The following RASIP1 variants were observed in gnomAD, a reference collection of about 807,000 sequenced individuals.
RASIP1 encodes the protein ras-interacting protein 1.
RASIP1 carries 20 observed loss-of-function variants against 85.3 expected under a neutral mutation model. The ratio of observed to expected loss-of-function variants is 0.23; its 90% CI spans 0.17 to 0.34. RASIP1 has a LOEUF of 0.34. Among genes scored for constraint, RASIP1 ranks in the 10% least tolerant of loss-of-function variants. RASIP1 has a pLI of 1.00. For synonymous variants in RASIP1, 617 were observed against 647.1 expected, an observed-to-expected ratio of 0.95 and a Z score of 0.71; for missense variants, 1,170 against 1,390.9, an observed-to-expected ratio of 0.84 and a Z score of 2.53.
rs1242714771 is a variant in RASIP1 at position 48,729,124 on chromosome 19, G to A, written c.1646C>T (p.Pro549Leu). The change falls in exon 5 of 12, where the codon CCG becomes CTG. Residue 549 changes from proline to leucine, a missense_variant. By Grantham distance (98) the Pro-to-Leu change is moderately conservative (BLOSUM62 -3). Coordinates refer to ENST00000222145, the MANE Select transcript of RASIP1 (RefSeq NM_017805.3). Reference protein sequence around the residue: ...DGREPVLRFRPREEEALLGEI... With the variant: ...DGREPVLRFRLREEEALLGEI... The stretch of plus-strand genomic sequence containing the variant: ...GCCCAGCAGCGCCTCCTCCTCGCGC[G>A]GCCGGAAGCGCAGGACTGGCTCACG... The A allele has an allele frequency of 2.2e-6, 3 of 1,362,566 alleles. No individual in the cohort carries two copies. Among genetic ancestry groups the A allele is most frequent in the Admixed American group, 3.7e-5 (1 of 26,964 alleles). 84.4% of individuals were successfully genotyped at this position (1,362,566 alleles called of 1,614,324 possible). A position where few individuals can be genotyped will look rare whatever the true frequency, so the allele number is the denominator to read the frequency against.
In RASIP1 at chr19:48,735,605, C is replaced by G; in HGVS notation, c.824-54G>C. 3.5e-6 allele frequency: 5 copies of G among 1,429,092 alleles called. No homozygotes were observed. The South Asian group carries it at 7.1e-5, about 20-fold the overall frequency. 88.5% of individuals were successfully genotyped at this position (1,429,092 alleles called of 1,614,324 possible). On this transcript the variant is annotated intron_variant, in intron 3 of 11. Coordinates refer to ENST00000222145, the MANE Select transcript of RASIP1 (RefSeq NM_017805.3). ...GAGCCTGGAAAGACAGGGATAGACA[C>G]AGAGCTGCAGATTATGAGACAAAGA...
At chr19:48,737,297 A>G (rs908072199) in intron 3 of RASIP1, among the ~76,000 whole-genome samples, 2 of 152,214 alleles carry the variant, frequency 1.3e-5, no homozygotes, top group South Asian at 2.1e-4. Context: ...TTCAAAGCCC[A>G]TCAGTTGAAT....
chr19:48,724,285 G>A lies in RASIP1; in HGVS notation c.2544+52C>T. 3 of 1,565,472 alleles carry A rather than the reference G, an allele frequency of 1.9e-6. No homozygotes were observed. The highest frequency in any genetic ancestry group is 2.6e-6 in the Non-Finnish European group (3 of 1,146,846). The stretch of plus-strand genomic sequence containing the variant: ...GAGCTGAATATAGAAGGTGGCTGAG[G>A]GGGGTTGAGGAGTCAGAGGTCAGGG... On this transcript the variant is annotated intron_variant, in intron 10 of 11. Coordinates refer to ENST00000222145, the MANE Select transcript of RASIP1 (RefSeq NM_017805.3). This position sits in a 1 kb window ranked among gnomAD's most constrained non-coding sequence, Gnocchi z 4.6.
At chr19:48,721,116 C>G (rs1274234679) in intron 11 of RASIP1, 119 bp from the exon 12 acceptor site, 2 of 877,560 alleles carry the variant, frequency 2.3e-6, no homozygotes, top group Non-Finnish European at 3.4e-6. Flanking sequence ...CCCAGCAACT[C>G]CTGGGGCGGG....
rs73942313 is a variant in RASIP1, at chr19:48,730,568, T to C, written c.1180-978A>G. Among the ~76,000 whole-genome samples the C allele has an allele frequency of 9.6e-3, 1,468 of 152,176 alleles. 26 individuals are homozygous for C. Among genetic ancestry groups the C allele is most frequent in the African/African-American group, 0.033 (1,363 of 41,502 alleles). On this transcript the variant is annotated intron_variant, in intron 4 of 11. Transcript: ENST00000222145. ...ATGAACTGTGCAACTACCCTCACCC[T>C]CAAAGAATGGACCTTTCCAAGGAAA...
chr19:48,726,549 A>T (rs551218102), intron 8 of RASIP1, among the ~76,000 whole-genome samples: 1 of 152,340 alleles, frequency 6.6e-6, no homozygotes, highest in African/African-American at 2.4e-5. Flanking sequence ...AAAGGAAAAG[A>T]AGCCAGAAAG....
intron 10 of RASIP1, among the ~76,000 whole-genome samples, chr19:48,722,887 T>C (rs932489769): frequency 3.3e-5 from 5 of 152,056 alleles, no homozygotes; most frequent in Non-Finnish European, 7.4e-5. Context: ...ATGGTAAACT[T>C]TCTTTCTTAT....
At chr19:48,734,919 C>T (rs556754389) in intron 4 of RASIP1, among the ~76,000 whole-genome samples, 8 of 152,264 alleles carry the variant, frequency 5.3e-5, no homozygotes. Context: ...TGGCGGGGAT[C>T]TTCTTTCTAC....
At chr19:48,727,338 C>G (rs371067218) in intron 6 of RASIP1, 55 bp downstream of exon 6, 1 of 1,593,488 alleles carries the variant, frequency 6.3e-7, no homozygotes, top group Non-Finnish European at 8.6e-7. Flanking sequence ...CAGAACTAGA[C>G]GCAAAACCCA....
chr19:48,738,677 A>G lies in RASIP1; in HGVS notation c.823+283T>C. The G allele has an allele frequency of 3.6e-6, 1 of 281,356 alleles. No individual in the cohort carries two copies. Among genetic ancestry groups the G allele is most frequent in the Non-Finnish European group, 6.4e-6 (1 of 155,774 alleles). 17.4% of individuals were successfully genotyped at this position (281,356 alleles called of 1,614,324 possible). On this transcript the variant is annotated intron_variant, in intron 3 of 11. Coordinates refer to ENST00000222145, the MANE Select transcript of RASIP1 (RefSeq NM_017805.3). This position sits in a 1 kb window ranked among gnomAD's most constrained non-coding sequence, Gnocchi z 4.0. ...CAGGCCACTCCAAGCCACCACCAGCAACCAGCCCCCGTCCCGCCTAAGCCC... is the reference window on the plus strand; with the variant it reads ...CAGGCCACTCCAAGCCACCACCAGCGACCAGCCCCCGTCCCGCCTAAGCCC...
In RASIP1 at chr19:48,724,750, T is replaced by C; in HGVS notation, c.2338A>G (p.Asn780Asp). The C allele has an allele frequency of 6.2e-7, 1 of 1,614,190 alleles. No individual in the cohort carries two copies. Among genetic ancestry groups the C allele is most frequent in the Non-Finnish European group, 8.5e-7 (1 of 1,180,038 alleles). ...ATCAGCGAGTTGAGAAGGGATGCGT[T>C]GGAGAAGAAGAACAAGTAGCCAAAA... Reference protein sequence around the residue: ...QTFGYLFFFSNASLLNSLMER... With the variant: ...QTFGYLFFFSDASLLNSLMER... Residue 780 changes from asparagine to aspartate, a missense_variant, in exon 9 of 12, where the codon AAC becomes GAC. Asn to Asp is a conservative substitution (Grantham distance 23). This residue lies in a region of RASIP1 where 426 missense variants were observed against 576.2 expected (regional missense o/e 0.74). Coordinates refer to ENST00000222145, the MANE Select transcript of RASIP1 (RefSeq NM_017805.3). This position sits in a 1 kb window ranked among gnomAD's most constrained non-coding sequence, Gnocchi z 4.6.
Position 48,729,270 on chromosome 19 carries a change from C to G in RASIP1, c.1500G>C (p.Pro500=). The G allele has an allele frequency of 2.0e-6, 3 of 1,510,248 alleles. No individual in the cohort carries two copies. Among genetic ancestry groups the G allele is most frequent in the South Asian group, 1.3e-5 (1 of 79,298 alleles). The allele number at this position is 1,510,248 out of a possible 1,614,324, so 93.6% of individuals were successfully genotyped here. The stretch of plus-strand genomic sequence containing the variant: ...CCCCGGGGCGCGCGGGCAGCCACGG[C>G]GGCCTCGCAGGCCCCGAGCCCCCAG... ...PRTGGSGPAR[P]PWLPARPGAT... Residue 500 remains proline (P), a synonymous_variant, in exon 5 of 12, where the codon CCG becomes CCC. Transcript: ENST00000222145.
chr19:48,726,166 C>CGGGGGG (rs2033339392), intron 8 of RASIP1, among the ~76,000 whole-genome samples: 1 of 152,086 alleles, frequency 6.6e-6, no homozygotes, highest in Non-Finnish European at 1.5e-5. Context: ...ACCTCGCGGT[C>CGGGGGG]TGCCCACCTT....
chr19:48,735,402 G>C lies in RASIP1; in HGVS notation c.973C>G (p.Arg325Gly). 6.2e-7 allele frequency: 1 copy of C among 1,612,694 alleles called. No individual in the cohort carries two copies. Among genetic ancestry groups the C allele is most frequent in the Non-Finnish European group, 8.5e-7 (1 of 1,179,704 alleles). Residue 325 changes from arginine (R) to glycine (G), a missense_variant, in exon 4 of 12, where the codon CGC (arginine) becomes GGC (glycine). Physicochemically the swap from Arg to Gly is moderately radical, Grantham distance 125. Coordinates refer to ENST00000222145, the MANE Select transcript of RASIP1 (RefSeq NM_017805.3). ...KERSENLSLR[R>G]SVSELSLQGR... ...TGAAGGCTAAGCTCCGACACGCTGCGCCGCAAAGACAAGTTTTCTGAGCGC... is the reference window on the plus strand; with the variant it reads ...TGAAGGCTAAGCTCCGACACGCTGCCCCGCAAAGACAAGTTTTCTGAGCGC...
chr19:48,736,576 C>T (rs1435546098), intron 3 of RASIP1, among the ~76,000 whole-genome samples: 5 of 152,200 alleles, frequency 3.3e-5, no homozygotes, highest in Admixed American at 3.3e-4. Context: ...CCACTGGGTA[C>T]TCTGAGCTTT....
intron 10 of RASIP1, 85 bp from the exon 11 acceptor site, chr19:48,722,086 G>A (rs1361325359): frequency 9.4e-6 from 12 of 1,281,502 alleles, no homozygotes; most frequent in Non-Finnish European, 1.3e-5. Flanking sequence ...AGGGGAGTGG[G>A]TGTGGTGGGA....
Position 48,740,588 on chromosome 19 carries a change from C to T in RASIP1, c.-72G>A. The T allele has an allele frequency of 7.2e-7, 1 of 1,388,688 alleles. No homozygotes were observed. The highest frequency in any genetic ancestry group is 9.3e-7 in the Non-Finnish European group (1 of 1,074,342). The allele number at this position is 1,388,688 out of a possible 1,614,324, so 86.0% of individuals were successfully genotyped here. A position where few individuals can be genotyped will look rare whatever the true frequency, so the allele number is the denominator to read the frequency against. ...GCCTGGGTCAGTTCCACTGCTCTTG[C>T]CTCTGCCACGGCTCCCAGCACTGGG... On this transcript the variant is annotated 5_prime_UTR_variant, in exon 1 of 12. Transcript: ENST00000222145. This position sits in a 1 kb window ranked among gnomAD's most constrained non-coding sequence, Gnocchi z 5.5.
At chr19:48,735,957 G>A (rs962698317) in intron 3 of RASIP1, among the ~76,000 whole-genome samples, 6 of 151,302 alleles carry the variant, frequency 4.0e-5, no homozygotes, top group African/African-American at 1.5e-4. Context: ...CACAACGCCC[G>A]GTTAATTTTT....
rs923485756 is a variant in RASIP1 at position 48,739,137 on chromosome 19, C to T, written c.646G>A (p.Val216Met). 4 of 1,358,362 alleles carry T rather than the reference C, an allele frequency of 2.9e-6. No individual in the cohort carries two copies. Among genetic ancestry groups the T allele is most frequent in the African/African-American group, 3.1e-5 (2 of 65,324 alleles). 84.1% of individuals were successfully genotyped at this position (1,358,362 alleles called of 1,614,324 possible). A position where few individuals can be genotyped will look rare whatever the true frequency, so the allele number is the denominator to read the frequency against. The stretch of plus-strand genomic sequence containing the variant: ...TCCGCCCGCCACTCGCCGCTTCCCA[C>T]GCCCGCCGCCGCGGGCCGGCCCAGA... ...DALGRPAAAG[V>M]GSGEWRAEHL... The change falls in exon 3 of 12, where the codon GTG (valine) becomes ATG (methionine). Residue 216 changes from valine to methionine, a missense_variant. This residue lies in a region of RASIP1 where 299 missense variants were observed against 394.4 expected (regional missense o/e 0.76). Coordinates refer to ENST00000222145, the MANE Select transcript of RASIP1 (RefSeq NM_017805.3). The surrounding 1 kb of genome is among the most constrained non-coding windows in gnomAD (Gnocchi z 9.2).
Sources: allele counts gnomAD v4.1 joint callset (sites outside exome capture counted in the v4.1 genomes callset), GRCh38; gene constraint gnomAD v4.1.1; regional missense constraint gnomAD v4.1.1; non-coding constraint Gnocchi (gnomAD v3.1); transcripts MANE v1.5; gene names NCBI Gene and HGNC (gene_info 2026-07-23, HGNC 2026-07-21).